TRDN: variants seen among roughly 807,000 people sequenced by gnomAD.
TRDN encodes triadin in skeletal muscle.
TRDN carries 161 observed loss-of-function variants against 149.7 expected under a neutral mutation model. That is an observed-to-expected ratio of 1.08 (90% CI 0.95 to 1.23). The LOEUF (loss-of-function observed/expected upper bound fraction) is 1.23. Ranked by LOEUF, TRDN falls within the 50% of genes most tolerant of loss-of-function variation. The pLI is 0.00. For missense variants in TRDN, 896 were observed against 823.5 expected (o/e 1.09, Z -1.08); for synonymous variants, 294 against 250.5 (o/e 1.17, Z -1.64).
At chr6:123,378,453 AGTGTGTGTGTGTGTGTGTGTGTGT>A (rs59816098) in intron 16 of TRDN, among the ~76,000 whole-genome samples, 1 of 136,286 alleles carries the variant, frequency 7.3e-6, no homozygotes, top group East Asian at 2.3e-4. Flanking sequence ...CCAGATTTGT[AGTGTGTGTGTGTGTGTGTGTGTGT>A]GTGTGTGTGT....
At chr6:123,461,140 A>G (rs1776424867) in intron 10 of TRDN, among the ~76,000 whole-genome samples, 1 of 152,152 alleles carries the variant, frequency 6.6e-6, no homozygotes, top group Admixed American at 6.5e-5. Context: ...GTATAAAAGC[A>G]TAGAGGGACT....
intron 23 of TRDN, 27 bp from the exon 24 acceptor site, chr6:123,316,522 G>T: frequency 6.2e-7 from 1 of 1,602,638 alleles, no homozygotes; most frequent in South Asian, 1.1e-5. Flanking sequence ...ACATAAACAC[G>T]TACAAACAAA....
At chr6:123,462,074 A>G (rs1776481211) in intron 10 of TRDN, among the ~76,000 whole-genome samples, 1 of 152,222 alleles carries the variant, frequency 6.6e-6, no homozygotes, top group African/African-American at 2.4e-5. Flanking sequence ...GACCACAATG[A>G]TGATGTGAAG....
Position 123,438,169 on chromosome 6 carries a change from C to A in TRDN, c.992-47G>T, listed in dbSNP as rs1023975742. On this transcript the variant is annotated intron_variant, in intron 11 of 40. Coordinates refer to ENST00000334268, the MANE Select transcript of TRDN (RefSeq NM_006073.4). ...TATAAGCCTTTACCTGTTTAACTTG[C>A]AAATATTTCAGGGCATGCATGACTA... The A allele has an allele frequency of 1.1e-5, 15 of 1,418,536 alleles. No individual in the cohort carries two copies. In the African/African-American group the frequency reaches 1.4e-4, roughly 14 times the overall value. The allele number at this position is 1,418,536 out of a possible 1,614,324, so 87.9% of individuals were successfully genotyped here.
chr6:123,332,931 G>C (rs190609532), intron 22 of TRDN, among the ~76,000 whole-genome samples: 1 of 151,924 alleles, frequency 6.6e-6, no homozygotes, highest in African/African-American at 2.4e-5. Flanking sequence ...TTTTCTTGTC[G>C]GGTAAGCTGT....
At chr6:123,480,007 T>C (rs1380690326) in intron 9 of TRDN, among the ~76,000 whole-genome samples, 1 of 152,076 alleles carries the variant, frequency 6.6e-6, no homozygotes, top group East Asian at 1.9e-4. Context: ...AACTCAAGTT[T>C]CTGAGATATC....
intron 7 of TRDN, among the ~76,000 whole-genome samples, chr6:123,510,810 A>AT (rs1419875699): frequency 6.6e-6 from 1 of 151,950 alleles, no homozygotes; most frequent in Non-Finnish European, 1.5e-5. Flanking sequence ...CACCTGGCTA[A>AT]TTTTTTAATT....
At chr6:123,522,223 C>T (rs781498460) in intron 5 of TRDN, among the ~76,000 whole-genome samples, 18 of 152,088 alleles carry the variant, frequency 1.2e-4, no homozygotes, top group South Asian at 2.1e-4. Context: ...TGCCGCCTAC[C>T]GGGCCATCCT....
chr6:123,603,584 C>G (rs1449593242), intron 1 of TRDN, among the ~76,000 whole-genome samples: 1 of 152,082 alleles, frequency 6.6e-6, no homozygotes, highest in African/African-American at 2.4e-5. Context: ...CAGATGTTTA[C>G]TAAGCACTTA....
chr6:123,435,979 A>G (rs771343513), intron 12 of TRDN, among the ~76,000 whole-genome samples: 25 of 152,058 alleles, frequency 1.6e-4, no homozygotes, highest in Non-Finnish European at 3.5e-4. Context: ...GCTAAAACCA[A>G]GCCAAACACA....
chr6:123,586,473 G>C (rs547221375), intron 1 of TRDN, among the ~76,000 whole-genome samples: 1 of 152,218 alleles, frequency 6.6e-6, no homozygotes, highest in South Asian at 2.1e-4. Flanking sequence ...TGGGAACAGA[G>C]ACTATAGAGG....
At chr6:123,352,062 T>C (rs1780480038) in intron 21 of TRDN, 1 of 970,714 alleles carries the variant, frequency 1.0e-6, no homozygotes, top group East Asian at 1.1e-4. Flanking sequence ...AGTCATAATA[T>C]AGTATATATC....
At chr6:123,287,680 T>A (rs1474888220) in intron 24 of TRDN, among the ~76,000 whole-genome samples, 2 of 152,104 alleles carry the variant, frequency 1.3e-5, no homozygotes, top group East Asian at 3.9e-4. Context: ...TCATGGTATG[T>A]CAACTTTTCA....
intron 5 of TRDN, among the ~76,000 whole-genome samples, chr6:123,516,760 T>G (rs145387438): frequency 3.7e-4 from 57 of 152,200 alleles, no homozygotes; most frequent in African/African-American, 1.3e-3. Context: ...ATCTCATCAA[T>G]TATTACAACA....
chr6:123,364,922 C>A (rs950870874), intron 20 of TRDN, among the ~76,000 whole-genome samples: 2 of 152,110 alleles, frequency 1.3e-5, no homozygotes, highest in African/African-American at 4.8e-5. Flanking sequence ...ACAAGTTTAA[C>A]CCACATTTCA....
chr6:123,587,725 G>C (rs553113174), intron 1 of TRDN, among the ~76,000 whole-genome samples: 1 of 151,588 alleles, frequency 6.6e-6, no homozygotes, highest in African/African-American at 2.4e-5. Context: ...GGAGATAGGG[G>C]TGGAGCTGTT....
intron 8 of TRDN, chr6:123,502,688 A>G (rs541064285): frequency 1.0e-6 from 1 of 984,348 alleles, no homozygotes; most frequent in Non-Finnish European, 1.2e-6. Flanking sequence ...CCTGCTCTGT[A>G]ATAAAATTGT....
At chr6:123,304,005 T>A (rs1009245020) in intron 24 of TRDN, among the ~76,000 whole-genome samples, 1 of 151,974 alleles carries the variant, frequency 6.6e-6, no homozygotes, top group Non-Finnish European at 1.5e-5. Context: ...GGATGCTGGG[T>A]TCTGAAACAG....
At chr6:123,542,255 T>C (rs957380298) in intron 4 of TRDN, among the ~76,000 whole-genome samples, 11 of 152,188 alleles carry the variant, frequency 7.2e-5, no homozygotes, top group Non-Finnish European at 1.5e-4. Flanking sequence ...GGACAATTTC[T>C]TATTTCAAAG....
Sources: gnomAD v4.1 joint callset for allele counts (sites outside exome capture counted in the v4.1 genomes callset) on GRCh38, gnomAD v4.1.1 for gene constraint, MANE v1.5 for transcripts, NCBI Gene and HGNC (gene_info 2026-07-23, HGNC 2026-07-21) for gene names.